HACL2: variants seen among roughly 807,000 people sequenced by gnomAD.
HACL2 encodes 2-hydroxyacyl-CoA lyase 1 like.
the HACL2 span, among the ~76,000 whole-genome samples, chr19:15,119,748 A>G: frequency 6.6e-6 from 1 of 152,016 alleles, no homozygotes; most frequent in East Asian, 1.9e-4. Flanking sequence ...ACAGGGTTTC[A>G]CCATGTTGGC....
the HACL2 span, among the ~76,000 whole-genome samples, chr19:15,122,206 G>A: frequency 2.6e-4 from 40 of 152,158 alleles, no homozygotes; most frequent in African/African-American, 8.4e-4. This position sits in a 1 kb window ranked among gnomAD's most constrained non-coding sequence, Gnocchi z 4.0. Flanking sequence ...CACCCGGCCT[G>A]GGCTCTGCCA....
At chr19:15,125,162 C>G in the HACL2 span, 1 of 1,235,044 alleles carries the variant, frequency 8.1e-7, no homozygotes, top group Non-Finnish European at 1.1e-6. Context: ...TCCAGGGCCA[C>G]GACCCTTGCC....
chr19:15,124,701 C>A, the HACL2 span: 1 of 564,964 alleles, frequency 1.8e-6, no homozygotes, highest in Non-Finnish European at 3.0e-6. Flanking sequence ...GCGAGTGCCC[C>A]GGCAGCGGCA....
chr19:15,123,077 GC>G, the HACL2 span: 5 of 1,610,804 alleles, frequency 3.1e-6, no homozygotes, highest in East Asian at 6.7e-5. This position sits in a 1 kb window ranked among gnomAD's most constrained non-coding sequence, Gnocchi z 5.1. Flanking sequence ...AGCCCTTCAA[GC>G]CCCCCTAGGC....
At chr19:15,121,316 G>A in the HACL2 span, among the ~76,000 whole-genome samples, 3 of 152,138 alleles carry the variant, frequency 2.0e-5, no homozygotes, top group African/African-American at 7.2e-5. Context: ...ACCCTCAGGC[G>A]CTTCACACAC....
the HACL2 span, chr19:15,115,126 C>G: frequency 8.9e-7 from 1 of 1,118,452 alleles, no homozygotes; most frequent in African/African-American, 1.5e-5. Flanking sequence ...CCATCCCCTC[C>G]TCAGGGAGGT....
chr19:15,119,583 C>T, the HACL2 span: 1 of 1,354,590 alleles, frequency 7.4e-7, no homozygotes, highest in South Asian at 1.3e-5. Flanking sequence ...CACAGTTTCA[C>T]TCTGTTGCCC....
At chr19:15,120,130 C>T in the HACL2 span, 6 of 1,206,642 alleles carry the variant, frequency 5.0e-6, no homozygotes, top group Non-Finnish European at 7.1e-6. Flanking sequence ...TAACTAACTA[C>T]AAGGATTCCA....
chr19:15,122,835 A>G, the HACL2 span: 1 of 1,613,640 alleles, frequency 6.2e-7, no homozygotes, highest in Non-Finnish European at 8.5e-7. The surrounding 1 kb of genome is among the most constrained non-coding windows in gnomAD (Gnocchi z 4.0). Flanking sequence ...CTGAGTCCAT[A>G]ACATGTCCCC....
the HACL2 span, chr19:15,122,909 G>A: frequency 1.9e-6 from 3 of 1,609,830 alleles, no homozygotes; most frequent in Non-Finnish European, 2.5e-6. The surrounding 1 kb of genome is among the most constrained non-coding windows in gnomAD (Gnocchi z 4.0). Flanking sequence ...GCCCGACTGG[G>A]CGGCAGCCAT....
the HACL2 span, chr19:15,115,812 C>T: frequency 6.2e-7 from 1 of 1,601,300 alleles, no homozygotes; most frequent in Non-Finnish European, 8.6e-7. Context: ...TCTCCCAGAA[C>T]CCCAGGCCCT....
the HACL2 span, chr19:15,119,259 T>G: frequency 1.2e-6 from 2 of 1,610,230 alleles, no homozygotes; most frequent in Admixed American, 3.4e-5. Context: ...CCCCGTGCCA[T>G]CCCTCCAAGG....
At chr19:15,120,058 T>A in the HACL2 span, 11 of 1,549,888 alleles carry the variant, frequency 7.1e-6, no homozygotes, top group Non-Finnish European at 9.6e-6. Flanking sequence ...TGCAAAGAGG[T>A]TGGCCAGGTA....
the HACL2 span, chr19:15,115,611 C>A: frequency 6.2e-7 from 1 of 1,613,932 alleles, no homozygotes; most frequent in South Asian, 1.1e-5. Context: ...AGAGAGGGCA[C>A]CTGCTCCCGA....
At chr19:15,120,916 A>AC in the HACL2 span, among the ~76,000 whole-genome samples, 2 of 151,354 alleles carry the variant, frequency 1.3e-5, no homozygotes, top group Admixed American at 6.6e-5. Context: ...TGGGTGATAG[A>AC]GTGAGGCCCT....
the HACL2 span, chr19:15,119,098 T>C: frequency 6.7e-7 from 1 of 1,488,136 alleles, no homozygotes; most frequent in Non-Finnish European, 9.0e-7. Context: ...TCCTCCTTCG[T>C]GTGAAGCTGG....
At chr19:15,115,738 G>A in the HACL2 span, 1 of 1,574,872 alleles carries the variant, frequency 6.3e-7, no homozygotes, top group Non-Finnish European at 8.7e-7. Flanking sequence ...AGAGGACAGA[G>A]ACAGGGATAG....
chr19:15,124,225 G>C, the HACL2 span: 2 of 155,198 alleles, frequency 1.3e-5, no homozygotes, highest in Non-Finnish European at 1.4e-5. Flanking sequence ...AAGTCCTGAA[G>C]GTCAGTGGCA....
chr19:15,117,811 C>T, the HACL2 span: 1 of 1,586,544 alleles, frequency 6.3e-7, no homozygotes, highest in Non-Finnish European at 8.6e-7. Flanking sequence ...CTCAAGCCAG[C>T]TGCAGCAGAA....
Sources: allele counts gnomAD v4.1 joint callset (sites outside exome capture counted in the v4.1 genomes callset), GRCh38; gene constraint gnomAD v4.1.1; non-coding constraint Gnocchi (gnomAD v3.1); transcripts MANE v1.5; gene names NCBI Gene and HGNC (gene_info 2026-07-23, HGNC 2026-07-21).